MEMO1: variants seen among roughly 807,000 people sequenced by gnomAD.
MEMO1 encodes the protein mediator of cell motility 1, also known as protein MEMO1.
In MEMO1, 6 loss-of-function variants were observed where a neutral mutation model predicts 45.2. That is an observed-to-expected ratio of 0.13 (90% CI 0.07 to 0.26). The LOEUF (loss-of-function observed/expected upper bound fraction) is 0.26. MEMO1 is among the 10% of genes least tolerant of loss of function. The probability of loss-of-function intolerance (pLI) is 1.00; values close to 1 mark genes in which losing one functional copy is unlikely to be tolerated. For synonymous variants in MEMO1, 78 were observed against 124.3 expected, an observed-to-expected ratio of 0.63 and a Z score of 2.48; for missense variants, 184 against 370.5, an observed-to-expected ratio of 0.50 and a Z score of 4.13.
rs146388529 is a variant in MEMO1 at position 31,909,955 on chromosome 2, C to A, written c.437+7971G>T. ...TATATTATATTAAAACTGCAAAAAA[C>A]CAAAGACAAACAAAAGATCTTGAAA... On this transcript the variant is annotated intron_variant, in intron 6 of 9. Coordinates refer to ENST00000404530, the MANE Select transcript of MEMO1 (RefSeq NM_001301833.4). Among the ~76,000 whole-genome samples, 350 of 151,822 alleles carry A rather than the reference C, an allele frequency of 2.3e-3. 1 individual carries two copies. Among genetic ancestry groups the A allele is most frequent in the African/African-American group, 7.4e-3 (307 of 41,452 alleles).
At chr2:31,989,876 G>T (rs1242658560) in intron 2 of MEMO1, among the ~76,000 whole-genome samples, 1 of 152,132 alleles carries the variant, frequency 6.6e-6, no homozygotes, top group East Asian at 1.9e-4. Flanking sequence ...CAGCAATTTG[G>T]GAGGCCGAAG....
intron 6 of MEMO1, among the ~76,000 whole-genome samples, chr2:31,900,386 T>C (rs1419548218): frequency 6.6e-6 from 1 of 152,134 alleles, no homozygotes; most frequent in African/African-American, 2.4e-5. Context: ...TGCAGGGACA[T>C]GGATGAAGCC....
chr2:31,965,806 C>T (rs1393390134), intron 2 of MEMO1, among the ~76,000 whole-genome samples: 4 of 152,072 alleles, frequency 2.6e-5, no homozygotes, highest in Non-Finnish European at 4.4e-5. Context: ...AACAAACACA[C>T]TGTGGCCTGT....
At position 31,933,694 on chromosome 2, in the gene MEMO1, A is replaced by G. The variant is rs548360782; in HGVS notation, c.144-1559T>C. 5.9e-5 allele frequency among the ~76,000 whole-genome samples: 9 copies of G among 152,150 alleles called. No homozygotes were observed. The East Asian group carries it at 1.7e-3, about 30-fold the overall frequency. ...GTAGTGGCGTTTAATTGGGAGCTCA[A>G]TAATATGGAACATACACTAAGTTCA... On this transcript the variant is annotated intron_variant, in intron 3 of 9. Coordinates refer to ENST00000404530, the MANE Select transcript of MEMO1 (RefSeq NM_001301833.4).
At chr2:32,001,032 A>ATTTTTTTTT (rs66617379) in intron 2 of MEMO1, among the ~76,000 whole-genome samples, 11 of 104,524 alleles carry the variant, frequency 1.1e-4, no homozygotes, top group East Asian at 5.7e-4. Flanking sequence ...ATAAATTTTG[A>ATTTTTTTTT]TTTTTTTTTT....
chr2:31,960,874 C>A (rs1000081051), intron 2 of MEMO1, among the ~76,000 whole-genome samples: 3 of 152,104 alleles, frequency 2.0e-5, no homozygotes, highest in Non-Finnish European at 1.5e-5. Flanking sequence ...GTGTGAGCCA[C>A]CAGGCCTGGC....
intron 3 of MEMO1, among the ~76,000 whole-genome samples, chr2:31,942,946 T>C (rs1430823775): frequency 6.6e-6 from 1 of 152,230 alleles, no homozygotes; most frequent in East Asian, 1.9e-4. Flanking sequence ...AATCTGTAGA[T>C]ACTCATTTAC....
chr2:31,894,085 AC>A (rs1558482548), intron 6 of MEMO1, among the ~76,000 whole-genome samples: 1 of 152,148 alleles, frequency 6.6e-6, no homozygotes, highest in African/African-American at 2.4e-5. Flanking sequence ...ACAAAATCTC[AC>A]CCCCAAAAAG....
Position 31,958,922 on chromosome 2 carries a change from A to G in MEMO1, c.62-15539T>C, listed in dbSNP as rs1667691713. Among the ~76,000 whole-genome samples the G allele has an allele frequency of 2.6e-5, 4 of 152,220 alleles. No individual in the cohort carries two copies. The South Asian group carries it at 8.3e-4, about 32-fold the overall frequency. On this transcript the variant is annotated intron_variant, in intron 2 of 9. Coordinates refer to ENST00000404530, the MANE Select transcript of MEMO1 (RefSeq NM_001301833.4). The stretch of plus-strand genomic sequence containing the variant: ...TGCCTCAGCCTCACAAAGTGCTGGG[A>G]TTACAGGCATGAGCCACGTGCCCAG...
At chr2:31,986,401 G>A (rs945680178) in intron 2 of MEMO1, among the ~76,000 whole-genome samples, 5 of 152,252 alleles carry the variant, frequency 3.3e-5, no homozygotes, top group African/African-American at 7.2e-5. Flanking sequence ...GAACCCGGAA[G>A]GCGGAGCTTG....
intron 2 of MEMO1, among the ~76,000 whole-genome samples, chr2:31,987,387 T>C (rs2148527816): frequency 6.6e-6 from 1 of 152,336 alleles, no homozygotes; most frequent in East Asian, 1.9e-4. Flanking sequence ...CCATATCATG[T>C]GGGCTGAAAT....
intron 4 of MEMO1, among the ~76,000 whole-genome samples, chr2:31,926,798 G>C (rs1393452749): frequency 1.3e-5 from 2 of 151,604 alleles, no homozygotes; most frequent in African/African-American, 2.4e-5. Context: ...AGTGAGCTGA[G>C]ATCCTGCCAC....
chr2:31,884,382 C>T (rs1221365728), intron 7 of MEMO1, among the ~76,000 whole-genome samples: 1 of 152,046 alleles, frequency 6.6e-6, no homozygotes, highest in East Asian at 1.9e-4. Flanking sequence ...TAAAGATTGA[C>T]CAAAATGCAT....
At chr2:31,992,301 C>T (rs1672040408) in intron 2 of MEMO1, among the ~76,000 whole-genome samples, 1 of 152,162 alleles carries the variant, frequency 6.6e-6, no homozygotes, top group African/African-American at 2.4e-5. Flanking sequence ...ACTATAGCTG[C>T]TTTCACAATA....
chr2:31,993,094 G>A (rs1672145339), intron 2 of MEMO1, among the ~76,000 whole-genome samples: 1 of 152,176 alleles, frequency 6.6e-6, no homozygotes, highest in African/African-American at 2.4e-5. Context: ...GATCACTGGA[G>A]CCAAGGAATT....
chr2:31,995,949 CAA>C (rs1402226566), intron 2 of MEMO1, among the ~76,000 whole-genome samples: 1 of 151,972 alleles, frequency 6.6e-6, no homozygotes, highest in African/African-American at 2.4e-5. Flanking sequence ...TATGCTAAGC[CAA>C]AATACAATAC....
At chr2:32,005,456 T>C (rs1444945977) in intron 2 of MEMO1, among the ~76,000 whole-genome samples, 1 of 152,114 alleles carries the variant, frequency 6.6e-6, no homozygotes, top group Admixed American at 6.6e-5. Flanking sequence ...TGGTGGGAAT[T>C]CCAGTACTGA....
At chr2:31,890,327 T>G (rs1159543516) in intron 7 of MEMO1, among the ~76,000 whole-genome samples, 1 of 152,142 alleles carries the variant, frequency 6.6e-6, no homozygotes, top group Non-Finnish European at 1.5e-5. Flanking sequence ...GGACACTTGC[T>G]TCAAGAATTT....
chr2:32,001,396 TA>T (rs1375682270), intron 2 of MEMO1, among the ~76,000 whole-genome samples: 2 of 152,096 alleles, frequency 1.3e-5, no homozygotes, highest in Admixed American at 6.6e-5. Flanking sequence ...CTAATTAAAA[TA>T]TACCAATTAT....
Sources: allele counts gnomAD v4.1 joint callset (sites outside exome capture counted in the v4.1 genomes callset), GRCh38; gene constraint gnomAD v4.1.1; transcripts MANE v1.5; gene names NCBI Gene and HGNC (gene_info 2026-07-23, HGNC 2026-07-21).